NNT: variants seen among roughly 807,000 people sequenced by gnomAD.
NNT encodes the protein nicotinamide nucleotide transhydrogenase, also known as NAD(P) transhydrogenase, mitochondrial.
A neutral mutation model predicts 104.8 loss-of-function variants in NNT; 50 were observed. The observed-to-expected ratio is 0.48, with a 90% CI of 0.38 to 0.60. The LOEUF (loss-of-function observed/expected upper bound fraction) is 0.60, where lower values mean the gene tolerates loss of function less well. Among genes scored for constraint, NNT ranks in the 20% least tolerant of loss-of-function variants. The pLI is 0.00. For synonymous variants in NNT, 461 were observed against 490.4 expected, an observed-to-expected ratio of 0.94 and a Z score of 0.79; for missense variants, 1,131 against 1,330.7, an observed-to-expected ratio of 0.85 and a Z score of 2.33.
At chr5:43,686,703 A>G (rs1742009191) in intron 19 of NNT, among the ~76,000 whole-genome samples, 1 of 152,172 alleles carries the variant, frequency 6.6e-6, no homozygotes, top group Non-Finnish European at 1.5e-5. Context: ...ATTATTATAC[A>G]AAAATGTATT....
At position 43,645,468 on chromosome 5, in the gene NNT, C is replaced by A; in HGVS notation, c.1402C>A (p.Pro468Thr). ...AGCTGAAAAAGCAGCTACCATTACA[C>A]CCTTCAGGAAGACAATGTCAACGGC... Reference protein sequence around the residue: ...LEAEKAATITPFRKTMSTASA... With the variant: ...LEAEKAATITTFRKTMSTASA... The change falls in exon 10 of 22, where the codon CCC (proline) becomes ACC (threonine). Residue 468 changes from proline (P) to threonine (T), a missense_variant. Physicochemically the swap from Pro to Thr is conservative, Grantham distance 38. Coordinates refer to ENST00000344920, the MANE Select transcript of NNT (RefSeq NM_182977.3). The A allele has an allele frequency of 6.4e-7, 1 of 1,572,180 alleles. No homozygotes were observed. Among genetic ancestry groups the A allele is most frequent in the Non-Finnish European group, 8.6e-7 (1 of 1,157,890 alleles).
At chr5:43,648,012 G>GAGC in intron 10 of NNT, 1 of 926,512 alleles carries the variant, frequency 1.1e-6, no homozygotes, top group Non-Finnish European at 1.5e-6. Context: ...CACAGCTAGG[G>GAGC]AGCAGCAGAA....
At position 43,700,255 on chromosome 5, in the gene NNT, T is replaced by C. The variant is rs200697621; in HGVS notation, c.2995+18T>C. The stretch of plus-strand genomic sequence containing the variant: ...TTTTCCAGGTAAGTGGTGGGGGCAA[T>C]TGTGAAGTTTAAATATTCTTACTAT... On this transcript the variant is annotated intron_variant, in intron 20 of 21. Coordinates refer to ENST00000344920, the MANE Select transcript of NNT (RefSeq NM_182977.3). 42 of 1,555,822 alleles carry C rather than the reference T, an allele frequency of 2.7e-5. No individual in the cohort carries two copies. Among genetic ancestry groups the C allele is most frequent in the Non-Finnish European group, 3.5e-5 (39 of 1,128,408 alleles).
chr5:43,634,447 G>C (rs1161803345), intron 7 of NNT, among the ~76,000 whole-genome samples: 2 of 151,992 alleles, frequency 1.3e-5, no homozygotes. Flanking sequence ...CAAAAGTAAG[G>C]ATTTATTATT....
chr5:43,603,819 A>G (rs1749061439), intron 1 of NNT, among the ~76,000 whole-genome samples: 1 of 151,736 alleles, frequency 6.6e-6, no homozygotes, highest in East Asian at 1.9e-4. Flanking sequence ...GACATAGGAG[A>G]TTGCGAGCAC....
chr5:43,675,764 C>T, intron 18 of NNT, 94 bp downstream of exon 18: 1 of 952,726 alleles, frequency 1.0e-6, no homozygotes, highest in Non-Finnish European at 1.4e-6. Context: ...ATTGAAACTT[C>T]TTTAGTTTTG....
At chr5:43,641,833 C>G (rs1029508014) in intron 7 of NNT, among the ~76,000 whole-genome samples, 1 of 152,172 alleles carries the variant, frequency 6.6e-6, no homozygotes, top group Non-Finnish European at 1.5e-5. Flanking sequence ...AAACACCCAA[C>G]TTATCTCTGT....
At chr5:43,618,011 ATATTG>A (rs1749877467) in intron 4 of NNT, among the ~76,000 whole-genome samples, 1 of 152,190 alleles carries the variant, frequency 6.6e-6, no homozygotes, top group Non-Finnish European at 1.5e-5. Context: ...TTGCTTTATA[ATATTG>A]AGCCAGTGTA....
chr5:43,656,069 G>A lies in NNT; in HGVS notation c.2289G>A (p.Leu763=). 6.2e-7 allele frequency: 1 copy of A among 1,612,288 alleles called. No homozygotes were observed. The highest frequency in any genetic ancestry group is 8.5e-7 in the Non-Finnish European group (1 of 1,178,354). ...GGTCTCTCATTGCCTATGGAAAATT[G>A]CAGGGTAAGTGATTCAGCATAACAT... ...FSGSLIAYGK[L]QGLLKSAPLL... The change falls in exon 15 of 22, where the codon TTG becomes TTA. Residue 763 remains leucine (L), a synonymous_variant. Transcript: ENST00000344920.
upstream of NNT, chr5:43,602,740 T>C (rs552595216): frequency 2.0e-5 from 3 of 152,320 alleles, no homozygotes; most frequent in African/African-American, 7.2e-5. Flanking sequence ...CCTAGCGAGC[T>C]GGAGGAAAGG....
intron 19 of NNT, among the ~76,000 whole-genome samples, chr5:43,692,272 A>G (rs572402654): frequency 6.6e-6 from 1 of 152,280 alleles, no homozygotes; most frequent in East Asian, 1.9e-4. Context: ...AGACCATGCA[A>G]ATATCTTGCT....
intron 19 of NNT, among the ~76,000 whole-genome samples, chr5:43,696,716 A>G (rs1023081278): frequency 7.2e-5 from 11 of 152,218 alleles, no homozygotes; most frequent in African/African-American, 2.7e-4. Flanking sequence ...CCCAAACCTC[A>G]GTTCTTGACT....
rs1263936239 is a variant in NNT, at chr5:43,680,414, TC to T, written c.2876+2609del. On this transcript the variant is annotated intron_variant, in intron 19 of 21. Transcript: ENST00000344920. The stretch of plus-strand genomic sequence containing the variant: ...TCACTCTGTGGAGCTCCCACGGTGT[TC>T]ATTGAGTACAGCTGCTGGGCCTCTG... 2.0e-5 allele frequency among the ~76,000 whole-genome samples: 3 copies of T among 152,308 alleles called. 1 individual carries two copies. The highest frequency in any genetic ancestry group is 6.8e-3 in the Middle Eastern group (2 of 294).
chr5:43,696,356 A>C (rs1185737913), intron 19 of NNT, among the ~76,000 whole-genome samples: 1 of 152,168 alleles, frequency 6.6e-6, no homozygotes, highest in Non-Finnish European at 1.5e-5. Flanking sequence ...ATGCTGATAC[A>C]AGAGGTGGGT....
intron 17 of NNT, among the ~76,000 whole-genome samples, chr5:43,672,533 A>T (rs918946532): frequency 1.3e-5 from 2 of 152,054 alleles, no homozygotes; most frequent in Non-Finnish European, 2.9e-5. Flanking sequence ...GGTCTGTTGG[A>T]GTTTGCTGGA....
chr5:43,657,097 C>G (rs1276092055), intron 16 of NNT, among the ~76,000 whole-genome samples: 1 of 152,118 alleles, frequency 6.6e-6, no homozygotes, highest in South Asian at 2.1e-4. Flanking sequence ...TGAACAGGAG[C>G]TTAAAAAGGC....
At position 43,656,806 on chromosome 5, in the gene NNT, C is replaced by G. The variant is rs1379301864; in HGVS notation, c.2447C>G (p.Ala816Gly). ...TCLGSVSALS[A>G]VMGVTLTAAI... ...CTGGGTTCAGTGTCTGCTCTCTCTG[C>G]TGTCATGGTAAGAAGTCAGAGATTG... The change falls in exon 16 of 22, where the codon GCT (alanine) becomes GGT (glycine). Residue 816 changes from alanine to glycine, a missense_variant. By Grantham distance (60) the Ala-to-Gly change is moderately conservative. Transcript: ENST00000344920. The G allele has an allele frequency of 6.2e-7, 1 of 1,610,670 alleles. No homozygotes were observed. The highest frequency in any genetic ancestry group is 8.5e-7 in the Non-Finnish European group (1 of 1,179,066).
chr5:43,670,290 G>T (rs1392016637), intron 17 of NNT, among the ~76,000 whole-genome samples: 1 of 151,980 alleles, frequency 6.6e-6, no homozygotes, highest in Non-Finnish European at 1.5e-5. Flanking sequence ...CTCCAGTTCT[G>T]CTCTGATCTT....
intron 10 of NNT, chr5:43,648,461 A>G (rs1739570390): frequency 6.4e-6 from 1 of 155,404 alleles, no homozygotes; most frequent in Non-Finnish European, 1.4e-5. Context: ...AGCTGTTTGT[A>G]TTCTGCACAT....
Sources: allele counts gnomAD v4.1 joint callset (sites outside exome capture counted in the v4.1 genomes callset), GRCh38; gene constraint gnomAD v4.1.1; transcripts MANE v1.5; gene names NCBI Gene and HGNC (gene_info 2026-07-23, HGNC 2026-07-21).